Variants in SLC4A4 observed in about 807,000 individuals in gnomAD.
SLC4A4 encodes solute carrier family 4 member 4.
In SLC4A4, 27 loss-of-function variants were observed where a neutral mutation model predicts 111.5. The ratio of observed to expected loss-of-function variants is 0.24; its 90% CI spans 0.18 to 0.33. The LOEUF (loss-of-function observed/expected upper bound fraction) is 0.33. Among genes scored for constraint, SLC4A4 ranks in the 10% least tolerant of loss-of-function variants. The pLI, the probability that SLC4A4 is intolerant of heterozygous loss-of-function variation, is 1.00. For synonymous variants in SLC4A4, 443 were observed against 463.4 expected (o/e 0.96, Z 0.57); for missense variants, 909 against 1,315.5 (o/e 0.69, Z 4.78).
chr4:71,264,702 T>C (rs751046320), intron 3 of SLC4A4, among the ~76,000 whole-genome samples: 17 of 152,130 alleles, frequency 1.1e-4, no homozygotes, highest in Non-Finnish European at 2.5e-4. Flanking sequence ...AATTGTACTT[T>C]GTTACTTCTT....
Position 71,488,924 on chromosome 4 carries a change from GT to G in SLC4A4, c.1974+1907del, listed in dbSNP as rs1560554094. ...TGTGTGTGTGTGTGTGTGTGTGTGTGTGTGGTCATGAAGGCCAACTTTTATT... is the reference window on the plus strand; with the variant it reads ...TGTGTGTGTGTGTGTGTGTGTGTGTGGTGGTCATGAAGGCCAACTTTTATT... On this transcript the variant is annotated intron_variant, in intron 15 of 25. Coordinates refer to ENST00000264485, the MANE Select transcript of SLC4A4 (RefSeq NM_001098484.3). Among the ~76,000 whole-genome samples, 17 of 150,942 alleles carry G rather than the reference GT, an allele frequency of 1.1e-4. No homozygotes were observed. In the East Asian group the frequency reaches 2.2e-3, roughly 19 times the overall value.
chr4:71,334,177 CCTG>C (rs573127378), intron 3 of SLC4A4, among the ~76,000 whole-genome samples: 1 of 152,124 alleles, frequency 6.6e-6, no homozygotes, highest in Non-Finnish European at 1.5e-5. Flanking sequence ...GCAAGTACTT[CCTG>C]GGTACCCTTG....
At chr4:71,522,236 T>C (rs995676451) in intron 16 of SLC4A4, among the ~76,000 whole-genome samples, 1 of 152,206 alleles carries the variant, frequency 6.6e-6, no homozygotes, top group Non-Finnish European at 1.5e-5. Context: ...TCAGAGTCTT[T>C]AGTCAAATTC....
intron 16 of SLC4A4, among the ~76,000 whole-genome samples, chr4:71,503,859 G>T (rs1443416115): frequency 6.6e-6 from 1 of 152,080 alleles, no homozygotes. Flanking sequence ...TTATAAGACT[G>T]ATCTAGCAAT....
In SLC4A4 at chr4:71,486,955, C is replaced by T. The variant is rs754060496; in HGVS notation, c.1911C>T (p.Ile637=). The change falls in exon 15 of 26, where the codon ATC becomes ATT. Residue 637 remains isoleucine (I), a synonymous_variant. Coordinates refer to ENST00000264485, the MANE Select transcript of SLC4A4 (RefSeq NM_001098484.3). ...ATTATCTTTTGCTTACAGCTAATAT[C>T]TCAATATCTAATGACACCACACTGG... is the stretch of plus-strand genomic sequence containing the variant. The part of the protein sequence containing the change: ...CTCVPPDPAN[I]SISNDTTLAP... 3 of 1,594,020 alleles carry T rather than the reference C, an allele frequency of 1.9e-6. No homozygotes were observed. Among genetic ancestry groups the T allele is most frequent in the Admixed American group, 3.4e-5 (2 of 59,612 alleles).
intron 3 of SLC4A4, 166 bp from the exon 4 acceptor site, chr4:71,339,204 T>G (rs1477924641): frequency 6.2e-7 from 1 of 1,613,956 alleles, no homozygotes; most frequent in African/African-American, 1.3e-5. Flanking sequence ...GGCTTTGATT[T>G]CTTTTTGGCT....
chr4:71,144,988 A>G (rs1211450673), intron 2 of SLC4A4, among the ~76,000 whole-genome samples: 1 of 151,998 alleles, frequency 6.6e-6, no homozygotes. Context: ...CACTATGTGG[A>G]ATAGGAGTGG....
At position 71,435,299 on chromosome 4, in the gene SLC4A4, G is replaced by T. The variant is rs572345420; in HGVS notation, c.808-5317G>T. Among the ~76,000 whole-genome samples the T allele has an allele frequency of 3.9e-5, 6 of 152,266 alleles. No homozygotes were observed. In the South Asian group the frequency reaches 6.2e-4, roughly 16 times the overall value. ...TCTTTGACAAACCAGACAAAAACAA[G>T]CAATGGGGAAAGGATTTCCTATTTA... On this transcript the variant is annotated intron_variant, in intron 7 of 25. Transcript: ENST00000264485.
At chr4:71,129,679 C>T (rs906724960) in intron 2 of SLC4A4, among the ~76,000 whole-genome samples, 1 of 149,572 alleles carries the variant, frequency 6.7e-6, no homozygotes, top group Non-Finnish European at 1.5e-5. Context: ...ATGTTCATTG[C>T]AGCACTACTC....
chr4:71,347,630 A>G (rs1280212820), intron 4 of SLC4A4, among the ~76,000 whole-genome samples: 1 of 152,140 alleles, frequency 6.6e-6, no homozygotes, highest in Admixed American at 6.6e-5. Flanking sequence ...TTTTGTGGGG[A>G]CATAGACATT....
At chr4:71,566,740 C>T (rs142763050) in intron 24 of SLC4A4, among the ~76,000 whole-genome samples, 312 of 151,858 alleles carry the variant, frequency 2.1e-3, no homozygotes, top group Non-Finnish European at 3.2e-3. Flanking sequence ...AGAATGCTAT[C>T]ACCCTCTAAA....
intron 3 of SLC4A4, among the ~76,000 whole-genome samples, chr4:71,279,058 C>T (rs1413514510): frequency 6.6e-6 from 1 of 152,120 alleles, no homozygotes; most frequent in Non-Finnish European, 1.5e-5. Flanking sequence ...ATTCATCACT[C>T]ATGTAGTTAT....
Position 71,387,745 on chromosome 4 carries a change from C to T in SLC4A4, c.731-9832C>T, listed in dbSNP as rs745779148. Reference sequence around the variant, plus strand: ...CTGACCTCAGGTGATCTGCCCGCCTCGGCCTCCGAAGCGCTGGGATTACAA... The same window carrying T: ...CTGACCTCAGGTGATCTGCCCGCCTTGGCCTCCGAAGCGCTGGGATTACAA... On this transcript the variant is annotated intron_variant, in intron 6 of 25. Transcript: ENST00000264485. Among the ~76,000 whole-genome samples the T allele has an allele frequency of 3.5e-4, 54 of 152,228 alleles. No homozygotes were observed. In the Middle Eastern group the frequency reaches 0.01, roughly 29 times the overall value.
intron 12 of SLC4A4, among the ~76,000 whole-genome samples, chr4:71,455,746 G>A (rs1328486932): frequency 1.3e-5 from 2 of 152,024 alleles, no homozygotes; most frequent in Admixed American, 6.6e-5. Context: ...TTAGTTTATT[G>A]CCTTTTTTGA....
intron 3 of SLC4A4, chr4:71,301,220 G>T: frequency 4.1e-6 from 1 of 242,892 alleles, no homozygotes; most frequent in South Asian, 4.7e-5. Flanking sequence ...GGCTGGTGTA[G>T]TTAGCAAGGG....
chr4:71,407,372 A>G lies in SLC4A4; in HGVS notation c.807+9719A>G, dbSNP rs547687975. Among the ~76,000 whole-genome samples, 234 of 152,306 alleles carry G rather than the reference A, an allele frequency of 1.5e-3. 3 individuals are homozygous for G. Among genetic ancestry groups the G allele is most frequent in the Non-Finnish European group, 2.1e-3 (146 of 68,028 alleles). ...AAGGTCAGTGAAAAAAGACTGATAT[A>G]ATAAAAAAGTATAATCTATGATCTC... On this transcript the variant is annotated intron_variant, in intron 7 of 25. Coordinates refer to ENST00000264485, the MANE Select transcript of SLC4A4 (RefSeq NM_001098484.3).
At chr4:71,142,017 G>T (rs1370767035) in intron 2 of SLC4A4, among the ~76,000 whole-genome samples, 3 of 152,204 alleles carry the variant, frequency 2.0e-5, no homozygotes, top group Admixed American at 2.0e-4. Context: ...GCATTAGAGT[G>T]GGGAATACAA....
At chr4:71,160,178 G>A (rs1360199480) in intron 2 of SLC4A4, among the ~76,000 whole-genome samples, 6 of 149,370 alleles carry the variant, frequency 4.0e-5, no homozygotes, top group African/African-American at 1.5e-4. Flanking sequence ...AAATGAATGT[G>A]CCAGGATTAA....
upstream of SLC4A4, chr4:71,187,243 C>T (rs923544075): frequency 6.6e-6 from 1 of 152,174 alleles, no homozygotes; most frequent in Non-Finnish European, 1.5e-5. Flanking sequence ...TCCGCGGCCC[C>T]CCAGCCTCCA....
Sources: gnomAD v4.1 joint callset for allele counts (sites outside exome capture counted in the v4.1 genomes callset) on GRCh38, gnomAD v4.1.1 for gene constraint, MANE v1.5 for transcripts, NCBI Gene and HGNC (gene_info 2026-07-23, HGNC 2026-07-21) for gene names.